Variants in NEMF observed in about 807,000 individuals in gnomAD.
The protein encoded by NEMF is nuclear export mediator factor.
NEMF carries 89 observed loss-of-function variants against 162.2 expected under a neutral mutation model. The ratio of observed to expected loss-of-function variants is 0.55; its 90% CI spans 0.46 to 0.65. The LOEUF is 0.65. NEMF is among the 30% of genes least tolerant of loss of function. NEMF has a pLI of 0.00. For missense variants in NEMF, 1,133 were observed against 1,261.9 expected (o/e 0.90, Z 1.55); for synonymous variants, 421 against 404.5 (o/e 1.04, Z -0.49).
At chr14:49,806,862 A>T (rs979602330) in intron 18 of NEMF, among the ~76,000 whole-genome samples, 1 of 152,196 alleles carries the variant, frequency 6.6e-6, no homozygotes, top group Non-Finnish European at 1.5e-5. Flanking sequence ...TTAGATTTCA[A>T]ATATTTTTAA....
At position 49,832,068 on chromosome 14, in the gene NEMF, A is replaced by G. The variant is rs1028912182; in HGVS notation, c.865T>C (p.Phe289Leu). Residue 289 changes from phenylalanine to leucine, a missense_variant, in exon 10 of 33, where the codon TTT (phenylalanine) becomes CTT (leucine). By Grantham distance (22) the Phe-to-Leu change is conservative (BLOSUM62 0). This residue lies in a region of NEMF where 582 missense variants were observed against 631.5 expected (regional missense o/e 0.92). Transcript: ENST00000298310. ...AAACCCACCTTGTCAAATGATTCAA[A>G]TTCTATATATGGACATTGTGAATGT... is the stretch of plus-strand genomic sequence containing the variant. Reference protein sequence around the residue: ...SQHSQCPYIEFESFDKAVDEF... With the variant: ...SQHSQCPYIELESFDKAVDEF... 1 of 1,601,518 alleles carries G rather than the reference A, an allele frequency of 6.2e-7. No individual in the cohort carries two copies. Among genetic ancestry groups the G allele is most frequent in the Non-Finnish European group, 8.5e-7 (1 of 1,175,538 alleles).
At chr14:49,827,308 G>A (rs998893228) in intron 15 of NEMF, among the ~76,000 whole-genome samples, 1 of 151,958 alleles carries the variant, frequency 6.6e-6, no homozygotes, top group Middle Eastern at 3.2e-3. Flanking sequence ...CACCTCAGCC[G>A]CCCAAGTAGC....
At chr14:49,789,613 C>CA (rs753361203) in intron 26 of NEMF, 40 bp from the exon 27 acceptor site, 13 of 1,583,814 alleles carry the variant, frequency 8.2e-6, no homozygotes, top group Non-Finnish European at 1.1e-5. Context: ...TATTCAGCAG[C>CA]AAAAAAATGT....
At chr14:49,848,077 A>C (rs76705754) in intron 3 of NEMF, among the ~76,000 whole-genome samples, 3,348 of 150,464 alleles carry the variant, frequency 0.022, 140 homozygotes, top group African/African-American at 0.077. Context: ...TCTGTTGCCC[A>C]GGCAAGGCTC....
chr14:49,786,956 A>T (rs1163549705), intron 28 of NEMF: 1 of 508,910 alleles, frequency 2.0e-6, no homozygotes, highest in Non-Finnish European at 3.5e-6. Flanking sequence ...ATTACTTAAG[A>T]AAGTAATGTC....
chr14:49,851,502 TA>T, intron 3 of NEMF, 60 bp downstream of exon 3: 1 of 1,167,252 alleles, frequency 8.6e-7, no homozygotes. Flanking sequence ...AAACCCCAAT[TA>T]AAAACTTAAT....
intron 25 of NEMF, among the ~76,000 whole-genome samples, chr14:49,797,643 A>C (rs539116670): frequency 6.6e-6 from 1 of 152,296 alleles, no homozygotes; most frequent in Non-Finnish European, 1.5e-5. Flanking sequence ...CTCAAAAAAA[A>C]CAAAAAACAA....
chr14:49,812,552 CT>C (rs1401600827), intron 18 of NEMF, among the ~76,000 whole-genome samples: 2 of 152,118 alleles, frequency 1.3e-5, no homozygotes, highest in South Asian at 2.1e-4. Flanking sequence ...AAATTACCCC[CT>C]AAGGGCTGCT....
intron 16 of NEMF, among the ~76,000 whole-genome samples, chr14:49,820,908 G>C (rs1891978384): frequency 6.6e-6 from 1 of 152,026 alleles, no homozygotes; most frequent in African/African-American, 2.4e-5. Context: ...ACGGAGTCTC[G>C]TTAACTCAGT....
chr14:49,850,503 G>A (rs575535180), intron 3 of NEMF, among the ~76,000 whole-genome samples: 57 of 152,180 alleles, frequency 3.7e-4, no homozygotes, highest in Non-Finnish European at 6.8e-4. Context: ...ACTTTTCCAG[G>A]TTATAAAATT....
In NEMF at chr14:49,814,717, T is replaced by G. The variant is rs148037776; in HGVS notation, c.1681+37A>C. 2,984 of 1,157,180 alleles carry G rather than the reference T, an allele frequency of 2.6e-3. 79 individuals carry two copies. The East Asian group carries it at 0.055, about 21-fold the overall frequency. The allele number at this position is 1,157,180 out of a possible 1,614,324, so 71.7% of individuals were successfully genotyped here. On this transcript the variant is annotated intron_variant, in intron 17 of 32. Coordinates refer to ENST00000298310, the MANE Select transcript of NEMF (RefSeq NM_004713.6). ...ATATTGAGATAACTGATCCAAACAT[T>G]CAAGAGAAAATTTTTCCGAATTTTA...
chr14:49,842,984 G>A (rs1197033316), intron 4 of NEMF, among the ~76,000 whole-genome samples: 1 of 151,772 alleles, frequency 6.6e-6, no homozygotes, highest in Non-Finnish European at 1.5e-5. Flanking sequence ...CCAGCCTGGC[G>A]ACAGGGTGAG....
At chr14:49,850,343 C>G (rs1893711651) in intron 3 of NEMF, among the ~76,000 whole-genome samples, 1 of 152,182 alleles carries the variant, frequency 6.6e-6, no homozygotes, top group South Asian at 2.1e-4. Context: ...CTGCCTCAGC[C>G]TCCCAAAGTG....
chr14:49,828,526 A>C, intron 14 of NEMF, 90 bp downstream of exon 14: 1 of 1,134,180 alleles, frequency 8.8e-7, no homozygotes. Context: ...ATGCATGTAC[A>C]AGTGAAATTT....
At chr14:49,847,697 C>T (rs1242630549) in intron 3 of NEMF, among the ~76,000 whole-genome samples, 1 of 147,878 alleles carries the variant, frequency 6.8e-6, no homozygotes, top group Non-Finnish European at 1.5e-5. Flanking sequence ...CCAGTTACCC[C>T]TACCAATTCT....
At chr14:49,785,361 G>T (rs756443560) in intron 29 of NEMF, 41 bp from the exon 30 acceptor site, 2 of 1,378,262 alleles carry the variant, frequency 1.5e-6, no homozygotes, top group South Asian at 1.2e-5. Flanking sequence ...AATTTATACC[G>T]CCCTTTACAA....
At chr14:49,808,334 G>A (rs1891318012) in intron 18 of NEMF, among the ~76,000 whole-genome samples, 1 of 151,922 alleles carries the variant, frequency 6.6e-6, no homozygotes, top group Non-Finnish European at 1.5e-5. Context: ...CATCATACCA[G>A]GCTAATTTTT....
At chr14:49,801,609 T>C (rs1890959883) in intron 22 of NEMF, 1 of 152,144 alleles carries the variant, frequency 6.6e-6, no homozygotes, top group African/African-American at 2.4e-5. Flanking sequence ...CAATGCAATA[T>C]TACCTGTAAA....
At chr14:49,790,574 T>C (rs572714972) in intron 26 of NEMF, among the ~76,000 whole-genome samples, 10 of 152,196 alleles carry the variant, frequency 6.6e-5, no homozygotes, top group African/African-American at 1.9e-4. Context: ...TGGTGGGAAA[T>C]TGATACAGGT....
Sources: gnomAD v4.1 joint callset for allele counts (sites outside exome capture counted in the v4.1 genomes callset) on GRCh38, gnomAD v4.1.1 for gene constraint, gnomAD v4.1.1 regional missense constraint, MANE v1.5 for transcripts, NCBI Gene and HGNC (gene_info 2026-07-23, HGNC 2026-07-21) for gene names.